ATXN7L1: variants seen among roughly 807,000 people sequenced by gnomAD.
ATXN7L1 encodes ataxin 7 like 1.
Under a neutral mutation model 70.8 loss-of-function variants are expected in ATXN7L1, and 15 were observed. The observed-to-expected ratio is 0.21, with a 90% CI of 0.14 to 0.33. The LOEUF (loss-of-function observed/expected upper bound fraction) is 0.33. Among genes scored for constraint, ATXN7L1 ranks in the 10% least tolerant of loss-of-function variants. The probability of loss-of-function intolerance (pLI) is 1.00; values close to 1 mark genes in which losing one functional copy is unlikely to be tolerated. For synonymous variants in ATXN7L1, 440 were observed against 445.1 expected (o/e 0.99, Z 0.14); for missense variants, 975 against 1,097.1 (o/e 0.89, Z 1.57).
At chr7:105,763,878 G>C (rs1361346721) in intron 3 of ATXN7L1, among the ~76,000 whole-genome samples, 1 of 151,708 alleles carries the variant, frequency 6.6e-6, no homozygotes, top group Non-Finnish European at 1.5e-5. Context: ...TTTTGAGATG[G>C]AGTCTTGCTC....
chr7:105,816,608 A>G (rs895833652), intron 2 of ATXN7L1, among the ~76,000 whole-genome samples: 2 of 152,228 alleles, frequency 1.3e-5, no homozygotes, highest in Non-Finnish European at 2.9e-5. Context: ...CCAGCAGCCA[A>G]GAAGTTTCCC....
chr7:105,657,928 C>T (rs2116020461), intron 4 of ATXN7L1, among the ~76,000 whole-genome samples: 1 of 151,980 alleles, frequency 6.6e-6, no homozygotes, highest in Non-Finnish European at 1.5e-5. Context: ...TCAAATATTT[C>T]TAATGAAAAT....
intron 3 of ATXN7L1, among the ~76,000 whole-genome samples, chr7:105,778,371 C>T (rs1416519722): frequency 6.7e-6 from 1 of 149,522 alleles, no homozygotes; most frequent in Non-Finnish European, 1.5e-5. Flanking sequence ...ATTAGCCAGA[C>T]ATGGTGGCTT....
intron 3 of ATXN7L1, among the ~76,000 whole-genome samples, chr7:105,768,908 A>G (rs1286074688): frequency 6.6e-6 from 1 of 152,252 alleles, no homozygotes; most frequent in Non-Finnish European, 1.5e-5. Context: ...GTTTCATAAA[A>G]GTAAATTTGC....
In ATXN7L1 at chr7:105,605,275, T is replaced by C. The variant is rs1384345963; in HGVS notation, c.*2577A>G. The C allele has an allele frequency of 2.6e-5, 4 of 152,018 alleles. No individual in the cohort carries two copies. Among genetic ancestry groups the C allele is most frequent in the Non-Finnish European group, 4.4e-5 (3 of 67,994 alleles). 9.4% of individuals were successfully genotyped at this position (152,018 alleles called of 1,614,324 possible). On this transcript the variant is annotated 3_prime_UTR_variant, in exon 12 of 12. Transcript: ENST00000419735. ...ATAGGCTGCTCCAGTTTAACTCCAT[T>C]AAGACAAACCCAAAGAGAACCTTTT...
At chr7:105,874,366 T>C (rs1818718945) in intron 2 of ATXN7L1, among the ~76,000 whole-genome samples, 1 of 152,172 alleles carries the variant, frequency 6.6e-6, no homozygotes, top group Non-Finnish European at 1.5e-5. Context: ...AGTAGCCTGA[T>C]AACTGGGTCT....
At chr7:105,784,719 G>A (rs1804036006) in intron 3 of ATXN7L1, among the ~76,000 whole-genome samples, 1 of 152,182 alleles carries the variant, frequency 6.6e-6, no homozygotes, top group Non-Finnish European at 1.5e-5. Context: ...CCTGAGGCAG[G>A]CAGAGTACCC....
At chr7:105,700,359 T>C (rs994666728) in intron 3 of ATXN7L1, among the ~76,000 whole-genome samples, 2 of 151,532 alleles carry the variant, frequency 1.3e-5, no homozygotes, top group African/African-American at 4.8e-5. Flanking sequence ...TACAAAAAAT[T>C]AGCCAGGCGT....
chr7:105,856,210 T>A (rs1815696128), intron 2 of ATXN7L1, among the ~76,000 whole-genome samples: 1 of 152,174 alleles, frequency 6.6e-6, no homozygotes, highest in Admixed American at 6.5e-5. Flanking sequence ...AATTTAAACC[T>A]TAGGAAGGTT....
chr7:105,643,235 C>T lies in ATXN7L1; in HGVS notation c.579-114G>A, dbSNP rs58644801. On this transcript the variant is annotated intron_variant, in intron 4 of 11. Transcript: ENST00000419735. ...CATTTCCTTATCACTTATTTATACT[C>T]CTTCTATAAGCAAGCAGCATGAGTC... The T allele has an allele frequency of 1.9e-3, 2,375 of 1,230,802 alleles. 39 individuals are homozygous for T. In the African/African-American group the frequency reaches 0.033, roughly 17 times the overall value. The allele number at this position is 1,230,802 out of a possible 1,614,324, so 76.2% of individuals were successfully genotyped here.
intron 2 of ATXN7L1, among the ~76,000 whole-genome samples, chr7:105,869,892 A>C (rs962557673): frequency 6.6e-6 from 1 of 152,206 alleles, no homozygotes; most frequent in Non-Finnish European, 1.5e-5. Context: ...AACTTTGTAT[A>C]AACTCTTCTT....
chr7:105,640,136 CT>C (rs1797960489), intron 5 of ATXN7L1, among the ~76,000 whole-genome samples: 1 of 152,214 alleles, frequency 6.6e-6, no homozygotes, highest in South Asian at 2.1e-4. Flanking sequence ...TCGGCGCAGG[CT>C]TTGCACACAG....
chr7:105,651,676 G>C (rs923153807), intron 4 of ATXN7L1, among the ~76,000 whole-genome samples: 1 of 152,186 alleles, frequency 6.6e-6, no homozygotes, highest in African/African-American at 2.4e-5. Flanking sequence ...TACTTCACAA[G>C]CCCACCTGCT....
chr7:105,750,422 C>T (rs538686531), intron 3 of ATXN7L1, among the ~76,000 whole-genome samples: 4 of 151,744 alleles, frequency 2.6e-5, no homozygotes, highest in African/African-American at 7.2e-5. Context: ...ACTACAGGCA[C>T]GTGTCACCAC....
intron 3 of ATXN7L1, among the ~76,000 whole-genome samples, chr7:105,749,623 C>CA (rs34443905): frequency 0.14 from 18,565 of 131,572 alleles, 1,406 homozygotes; most frequent in South Asian, 0.34. Context: ...GACTCTGTCT[C>CA]AAAAAAAAAA....
chr7:105,662,569 C>T (rs778331019), intron 4 of ATXN7L1, among the ~76,000 whole-genome samples: 1 of 152,194 alleles, frequency 6.6e-6, no homozygotes, highest in Non-Finnish European at 1.5e-5. Context: ...CATGGGGCTA[C>T]ATGAGACCTC....
chr7:105,725,444 T>A (rs367929671), intron 3 of ATXN7L1, among the ~76,000 whole-genome samples: 3 of 152,308 alleles, frequency 2.0e-5, no homozygotes, highest in African/African-American at 7.2e-5. Flanking sequence ...TCTATTTGAA[T>A]CCTTCCTTAC....
intron 5 of ATXN7L1, among the ~76,000 whole-genome samples, chr7:105,640,291 C>T (rs1199550106): frequency 6.6e-6 from 1 of 152,170 alleles, no homozygotes; most frequent in South Asian, 2.1e-4. Flanking sequence ...CCCCACTGCC[C>T]TGGGTCTGAT....
intron 4 of ATXN7L1, among the ~76,000 whole-genome samples, chr7:105,651,964 C>T (rs559711541): frequency 1.8e-3 from 271 of 152,274 alleles, no homozygotes; most frequent in Non-Finnish European, 1.5e-3. Flanking sequence ...GTCTGTTAGT[C>T]TCTCTTGTAC....
Sources: gnomAD v4.1 joint callset for allele counts (sites outside exome capture counted in the v4.1 genomes callset) on GRCh38, gnomAD v4.1.1 for gene constraint, MANE v1.5 for transcripts, NCBI Gene and HGNC (gene_info 2026-07-23, HGNC 2026-07-21) for gene names.